RABGAP1L: variants seen among roughly 807,000 people sequenced by gnomAD.
RABGAP1L encodes rab GTPase-activating protein 1-like.
A neutral mutation model predicts 137.7 loss-of-function variants in RABGAP1L; 63 were observed. The observed-to-expected ratio is 0.46, with a 90% CI of 0.37 to 0.56. The LOEUF is 0.56. Among genes scored for constraint, RABGAP1L ranks in the 20% least tolerant of loss-of-function variants. The pLI, the probability that RABGAP1L is intolerant of heterozygous loss-of-function variation, is 0.00. For synonymous variants in RABGAP1L, 431 were observed against 433.7 expected, an observed-to-expected ratio of 0.99 and a Z score of 0.08; for missense variants, 1,095 against 1,244.0, an observed-to-expected ratio of 0.88 and a Z score of 1.80.
chr1:174,405,155 T>C (rs149025349), intron 13 of RABGAP1L, among the ~76,000 whole-genome samples: 1 of 152,338 alleles, frequency 6.6e-6, no homozygotes, highest in East Asian at 1.9e-4. Context: ...ATTTTTCTTT[T>C]GATTGAATAA....
chr1:174,539,588 C>T (rs1665190490), intron 13 of RABGAP1L, among the ~76,000 whole-genome samples: 1 of 152,120 alleles, frequency 6.6e-6, no homozygotes, highest in Non-Finnish European at 1.5e-5. Flanking sequence ...TGATGGTTTC[C>T]AGCTTCATCC....
chr1:174,797,526 G>A (rs1688338365), intron 18 of RABGAP1L, among the ~76,000 whole-genome samples: 1 of 136,504 alleles, frequency 7.3e-6, no homozygotes, highest in African/African-American at 2.7e-5. Flanking sequence ...TAGGGGGTGT[G>A]TGTGTGGTGT....
At chr1:174,244,238 T>G (rs1472889276) in intron 5 of RABGAP1L, 1 of 152,240 alleles carries the variant, frequency 6.6e-6, no homozygotes, top group Non-Finnish European at 1.5e-5. Flanking sequence ...ACATTCTTAC[T>G]GCTTAAGTAT....
intron 10 of RABGAP1L, among the ~76,000 whole-genome samples, chr1:174,286,245 T>C (rs1676038774): frequency 6.6e-6 from 1 of 152,200 alleles, no homozygotes; most frequent in Non-Finnish European, 1.5e-5. Context: ...AGTCTTATTA[T>C]TCTTTATTGG....
At chr1:174,273,335 G>A (rs1674711203) in intron 8 of RABGAP1L, among the ~76,000 whole-genome samples, 2 of 151,992 alleles carry the variant, frequency 1.3e-5, no homozygotes. Context: ...TCTGCTAAGT[G>A]TTGTGTGAAG....
intron 18 of RABGAP1L, among the ~76,000 whole-genome samples, chr1:174,809,215 G>A (rs922302557): frequency 6.6e-6 from 1 of 152,116 alleles, no homozygotes; most frequent in Non-Finnish European, 1.5e-5. Context: ...AACTGAGCTG[G>A]GCAATCCATG....
chr1:174,234,748 G>A lies in RABGAP1L; in HGVS notation c.542+3393G>A, dbSNP rs1239918694. Among the ~76,000 whole-genome samples, 1,153 of 149,604 alleles carry A rather than the reference G, an allele frequency of 7.7e-3. 10 individuals are homozygous for A. Among genetic ancestry groups the A allele is most frequent in the African/African-American group, 0.013 (509 of 40,350 alleles). On this transcript the variant is annotated intron_variant, in intron 4 of 25. Transcript: ENST00000681986. ...TGGCTTAGGATTGACTTGGCAATGC[G>A]GGCTCTTTTTTGGTTCCATATGAAC...
At position 174,244,765 on chromosome 1, in the gene RABGAP1L, A is replaced by G. The variant is rs538454658; in HGVS notation, c.717+3108A>G. 17 of 152,358 alleles carry G rather than the reference A, an allele frequency of 1.1e-4. No homozygotes were observed. The South Asian group carries it at 2.7e-3, about 24-fold the overall frequency. The allele number at this position is 152,358 out of a possible 1,614,324, so 9.4% of individuals were successfully genotyped here. On this transcript the variant is annotated intron_variant, in intron 5 of 25. Transcript: ENST00000681986. ...ACATCTTTTTGGATATATTATATAAAACTTTCAAAAGATACTTTTAAAGTG... is the reference window on the plus strand; with the variant it reads ...ACATCTTTTTGGATATATTATATAAGACTTTCAAAAGATACTTTTAAAGTG...
intron 13 of RABGAP1L, among the ~76,000 whole-genome samples, chr1:174,468,096 G>C (rs557631610): frequency 3.9e-5 from 6 of 152,206 alleles, no homozygotes; most frequent in East Asian, 1.9e-4. Flanking sequence ...TATTATTGCT[G>C]TATCTGTAAT....
intron 11 of RABGAP1L, among the ~76,000 whole-genome samples, chr1:174,357,055 A>G (rs1170301592): frequency 6.6e-6 from 1 of 152,146 alleles, no homozygotes; most frequent in African/African-American, 2.4e-5. Context: ...ATAACAGTAA[A>G]CTGCAGTAGA....
chr1:174,694,321 G>T (rs1679089434), intron 15 of RABGAP1L, among the ~76,000 whole-genome samples: 1 of 151,586 alleles, frequency 6.6e-6, no homozygotes, highest in Middle Eastern at 3.2e-3. Flanking sequence ...CTAGCATTAG[G>T]TATATCTCCC....
At chr1:174,816,354 C>T (rs1010685208) in intron 19 of RABGAP1L, among the ~76,000 whole-genome samples, 1 of 151,892 alleles carries the variant, frequency 6.6e-6, no homozygotes, top group Non-Finnish European at 1.5e-5. Context: ...GTTTCTCCAT[C>T]AGGCTAGTCT....
intron 17 of RABGAP1L, among the ~76,000 whole-genome samples, chr1:174,751,814 A>G (rs1415224175): frequency 1.3e-5 from 2 of 152,220 alleles, no homozygotes; most frequent in African/African-American, 4.8e-5. Flanking sequence ...TAAGAAAACA[A>G]TAAGAACTGT....
chr1:174,753,021 C>G (rs950867876), intron 18 of RABGAP1L, among the ~76,000 whole-genome samples: 1 of 152,190 alleles, frequency 6.6e-6, no homozygotes, highest in Non-Finnish European at 1.5e-5. Context: ...CAGGCTTACC[C>G]TTTCCTCAGT....
chr1:174,791,027 C>T (rs1687816071), intron 18 of RABGAP1L, among the ~76,000 whole-genome samples: 1 of 151,984 alleles, frequency 6.6e-6, no homozygotes, highest in Admixed American at 6.6e-5. Flanking sequence ...CCCGTCTCTA[C>T]TAAAAATACA....
At chr1:174,849,063 G>A (rs1435264426) in intron 19 of RABGAP1L, among the ~76,000 whole-genome samples, 1 of 152,208 alleles carries the variant, frequency 6.6e-6, no homozygotes, top group Non-Finnish European at 1.5e-5. Context: ...CCCAGGTGAG[G>A]CAATGCCTCG....
intron 19 of RABGAP1L, among the ~76,000 whole-genome samples, chr1:174,869,155 A>G (rs905193004): frequency 2.6e-5 from 4 of 152,166 alleles, no homozygotes; most frequent in Admixed American, 2.6e-4. Flanking sequence ...ACCAACATCA[A>G]TCAAATGCTT....
intron 13 of RABGAP1L, among the ~76,000 whole-genome samples, chr1:174,444,300 A>G (rs1654493896): frequency 6.6e-6 from 1 of 151,994 alleles, no homozygotes; most frequent in African/African-American, 2.4e-5. Context: ...CTTCCAATCC[A>G]TGAACATGGC....
intron 21 of RABGAP1L, among the ~76,000 whole-genome samples, chr1:174,970,456 G>A (rs1272351041): frequency 6.6e-6 from 1 of 152,164 alleles, no homozygotes; most frequent in Admixed American, 6.6e-5. Flanking sequence ...ATTCAGTGGG[G>A]ATGCAGTGAA....
Sources: allele counts gnomAD v4.1 joint callset (sites outside exome capture counted in the v4.1 genomes callset), GRCh38; gene constraint gnomAD v4.1.1; transcripts MANE v1.5; gene names NCBI Gene and HGNC (gene_info 2026-07-23, HGNC 2026-07-21).